The following COL22A1 variants were observed in gnomAD, a reference collection of about 807,000 sequenced individuals.
COL22A1 encodes collagen type XXII alpha 1 chain.
Under a neutral mutation model 248.9 loss-of-function variants are expected in COL22A1, and 221 were observed. That is an observed-to-expected ratio of 0.89 (90% CI 0.80 to 0.99). The LOEUF (loss-of-function observed/expected upper bound fraction) is 0.99. Ranked by LOEUF, COL22A1 falls within the 50% of genes least tolerant of loss-of-function variation. COL22A1 has a pLI of 0.00. For missense variants in COL22A1, 2,240 were observed against 2,179.0 expected, an observed-to-expected ratio of 1.03 and a Z score of -0.56; for synonymous variants, 891 against 793.4, an observed-to-expected ratio of 1.12 and a Z score of -2.07.
intron 45 of COL22A1, among the ~76,000 whole-genome samples, chr8:138,653,700 T>C (rs1446343052): frequency 1.3e-5 from 2 of 152,134 alleles, no homozygotes; most frequent in African/African-American, 2.4e-5. Flanking sequence ...TATATGAAGT[T>C]ATAAAACTCT....
chr8:138,693,659 G>C lies in COL22A1; in HGVS notation c.2741C>G (p.Ala914Gly). 6.3e-7 allele frequency: 1 copy of C among 1,586,158 alleles called. No homozygotes were observed. Among genetic ancestry groups the C allele is most frequent in the Non-Finnish European group, 8.6e-7 (1 of 1,166,070 alleles). ...ATAGGGACTCACGGGGTTTCCAGCT[G>C]CTCCAGGAGCCCCATGTGCACCTTC... ...GQEGAHGAPG[A>G]AGNPGAPGHV... Residue 914 changes from alanine (A) to glycine (G), a missense_variant, in exon 35 of 65, where the codon GCA becomes GGA. By Grantham distance (60) the Ala-to-Gly change is moderately conservative (BLOSUM62 0). Coordinates refer to ENST00000303045, the MANE Select transcript of COL22A1 (RefSeq NM_152888.3).
At chr8:138,906,796 G>A (rs1028829798) in intron 1 of COL22A1, among the ~76,000 whole-genome samples, 1 of 151,960 alleles carries the variant, frequency 6.6e-6, no homozygotes, top group African/African-American at 2.4e-5. Flanking sequence ...GGGATTACAG[G>A]CACCCGCCAC....
At chr8:138,712,898 G>A (rs1829112268) in intron 30 of COL22A1, among the ~76,000 whole-genome samples, 1 of 143,230 alleles carries the variant, frequency 7.0e-6, no homozygotes, top group Non-Finnish European at 1.5e-5. Context: ...GGTTCTACCA[G>A]CAGAGGGTAC....
intron 49 of COL22A1, among the ~76,000 whole-genome samples, chr8:138,632,677 C>A (rs1376123152): frequency 3.3e-5 from 5 of 152,078 alleles, no homozygotes; most frequent in Non-Finnish European, 7.3e-5. Flanking sequence ...CTGTAGAAGA[C>A]CTGTCTTATT....
intron 4 of COL22A1, among the ~76,000 whole-genome samples, chr8:138,840,396 G>A (rs770735276): frequency 1.3e-5 from 2 of 152,076 alleles, no homozygotes; most frequent in Non-Finnish European, 2.9e-5. Context: ...GGAGGCTTCA[G>A]GACTCCTCTG....
intron 3 of COL22A1, among the ~76,000 whole-genome samples, chr8:138,859,216 TCA>T (rs1242615639): frequency 1.6e-4 from 24 of 152,286 alleles, no homozygotes; most frequent in African/African-American, 4.8e-4. Context: ...GTGTCCAAAC[TCA>T]CACAGTCGTG....
chr8:138,613,937 G>A lies in COL22A1; in HGVS notation c.3925-17C>T. Reference sequence around the variant, plus strand: ...AGTGTCACCCTGGAACAAAGACAGAGAGATGGTGTCATCATCAAGTCACTG... The same window carrying A: ...AGTGTCACCCTGGAACAAAGACAGAAAGATGGTGTCATCATCAAGTCACTG... On this transcript the variant is annotated splice_polypyrimidine_tract_variant and intron_variant, in intron 55 of 64. Coordinates refer to ENST00000303045, the MANE Select transcript of COL22A1 (RefSeq NM_152888.3). 2 of 1,595,294 alleles carry A rather than the reference G, an allele frequency of 1.3e-6. No individual in the cohort carries two copies. The highest frequency in any genetic ancestry group is 1.7e-6 in the Non-Finnish European group (2 of 1,162,878).
chr8:138,598,356 T>C (rs1030315055), intron 61 of COL22A1, among the ~76,000 whole-genome samples: 5 of 152,138 alleles, frequency 3.3e-5, no homozygotes, highest in African/African-American at 7.2e-5. Context: ...GAGCTGGGTG[T>C]CTTCTCAACT....
At chr8:138,860,943 T>C (rs746509450) in intron 3 of COL22A1, among the ~76,000 whole-genome samples, 1 of 152,204 alleles carries the variant, frequency 6.6e-6, no homozygotes, top group East Asian at 1.9e-4. Context: ...TTTCTCCAGA[T>C]ACCACTCCTT....
chr8:138,761,921 A>G (rs989271565), intron 17 of COL22A1, among the ~76,000 whole-genome samples: 6 of 151,966 alleles, frequency 3.9e-5, no homozygotes, highest in Non-Finnish European at 7.4e-5. Flanking sequence ...CATTCCCAAC[A>G]CTTTTCTTTA....
At position 138,694,563 on chromosome 8, in the gene COL22A1, T is replaced by C. The variant is rs770185994; in HGVS notation, c.2647-2A>G. On this transcript the variant is annotated splice_acceptor_variant, in intron 33 of 64. Coordinates refer to ENST00000303045, the MANE Select transcript of COL22A1 (RefSeq NM_152888.3). LOFTEE classifies it high-confidence loss of function. ...TTCTCCAGGACGGCCCTGCAGTCCC[T>C]GTAAGCACACAAGTTGCCATGAACC... The C allele has an allele frequency of 5.0e-6, 8 of 1,613,768 alleles. No homozygotes were observed. Among genetic ancestry groups the C allele is most frequent in the Non-Finnish European group, 6.8e-6 (8 of 1,179,868 alleles).
intron 16 of COL22A1, among the ~76,000 whole-genome samples, chr8:138,773,892 C>T (rs1438764556): frequency 1.3e-5 from 2 of 152,244 alleles, no homozygotes; most frequent in African/African-American, 2.4e-5. Context: ...CTGGCTTCTA[C>T]AGCCCAGCCC....
intron 46 of COL22A1, among the ~76,000 whole-genome samples, chr8:138,649,245 G>C (rs999055331): frequency 6.6e-6 from 1 of 152,116 alleles, no homozygotes; most frequent in Non-Finnish European, 1.5e-5. Flanking sequence ...TCATAAACAG[G>C]TAATGACAAG....
chr8:138,632,994 T>C (rs1306205804), intron 49 of COL22A1, among the ~76,000 whole-genome samples: 1 of 152,178 alleles, frequency 6.6e-6, no homozygotes, highest in Non-Finnish European at 1.5e-5. Context: ...GGATGCTGAC[T>C]GAGCACCAGA....
intron 16 of COL22A1, among the ~76,000 whole-genome samples, chr8:138,764,342 C>A (rs117512534): frequency 6.6e-6 from 1 of 152,206 alleles, no homozygotes; most frequent in Non-Finnish European, 1.5e-5. Context: ...GAGTGGGTCT[C>A]TCCTTTCATC....
chr8:138,808,816 C>T (rs10090299), intron 9 of COL22A1, among the ~76,000 whole-genome samples: 72,818 of 152,024 alleles, frequency 0.48, 17,744 homozygotes, highest in Middle Eastern at 0.57. Context: ...CTCAGGCAAA[C>T]GAAGATAAAT....
chr8:138,626,231 G>A lies in COL22A1; in HGVS notation c.3676C>T (p.Pro1226Ser), dbSNP rs1258781634. ...CCAGATGGGCCTTGGGGGCCAGGAG[G>A]GCCTTCTTTCCCCTAAAAGATCCAA... ...GIQGSPGKEG[P>S]PGPQGPSGLP... The change falls in exon 51 of 65, where the codon CCT becomes TCT. Residue 1226 changes from proline (P) to serine (S), a missense_variant. Coordinates refer to ENST00000303045, the MANE Select transcript of COL22A1 (RefSeq NM_152888.3). 1.2e-6 allele frequency: 2 copies of A among 1,608,192 alleles called. No individual in the cohort carries two copies. Among genetic ancestry groups the A allele is most frequent in the South Asian group, 1.1e-5 (1 of 89,774 alleles).
rs1554721472 is a variant in COL22A1 at position 138,619,533 on chromosome 8, G to T, written c.3772-25C>A. The T allele has an allele frequency of 1.7e-5, 28 of 1,607,394 alleles. No individual in the cohort carries two copies. The South Asian group carries it at 3.1e-4, about 18-fold the overall frequency. On this transcript the variant is annotated intron_variant, in intron 52 of 64. Coordinates refer to ENST00000303045, the MANE Select transcript of COL22A1 (RefSeq NM_152888.3). ...CCTGAGAGTAAGGAAGAAAAGAAGAGTTTGAGGACAACATTGTAAGAATCT... is the reference window on the plus strand; with the variant it reads ...CCTGAGAGTAAGGAAGAAAAGAAGATTTTGAGGACAACATTGTAAGAATCT...
intron 3 of COL22A1, among the ~76,000 whole-genome samples, chr8:138,844,536 A>C (rs1821098506): frequency 6.6e-6 from 1 of 152,194 alleles, no homozygotes; most frequent in Non-Finnish European, 1.5e-5. Flanking sequence ...TACAATAACT[A>C]ATCTAACGCA....
Sources: gnomAD v4.1 joint callset for allele counts (sites outside exome capture counted in the v4.1 genomes callset) on GRCh38, gnomAD v4.1.1 for gene constraint, MANE v1.5 for transcripts, NCBI Gene and HGNC (gene_info 2026-07-23, HGNC 2026-07-21) for gene names.